Variants in FGF12 observed in about 807,000 individuals in gnomAD.
FGF12 encodes the protein fibroblast growth factor 12, also known as fibroblast growth factor 12B.
FGF12 carries 14 observed loss-of-function variants against 23.6 expected under a neutral mutation model. The observed-to-expected ratio is 0.59, with a 90% confidence interval of 0.39 to 0.93. The LOEUF is 0.93. FGF12 is among the 40% of genes least tolerant of loss of function. The pLI, the probability that FGF12 is intolerant of heterozygous loss-of-function variation, is 0.00. For synonymous variants in FGF12, 62 were observed against 77.3 expected (o/e 0.80, Z 1.04); for missense variants, 175 against 217.8 (o/e 0.80, Z 1.24).
intron 2 of FGF12, chr3:192,516,989 C>T (rs1724688325): frequency 6.6e-6 from 1 of 152,202 alleles, no homozygotes; most frequent in Admixed American, 6.5e-5. Flanking sequence ...GTCCTTTGTG[C>T]TGCAGCGGAA....
intron 2 of FGF12, among the ~76,000 whole-genome samples, chr3:192,497,653 T>C (rs949626060): frequency 2.6e-5 from 4 of 152,210 alleles, no homozygotes; most frequent in African/African-American, 9.7e-5. Context: ...TCAGGACTTT[T>C]CCACCTGCTG....
At chr3:192,227,265 T>A (rs114141856) in intron 4 of FGF12, among the ~76,000 whole-genome samples, 436 of 152,252 alleles carry the variant, frequency 2.9e-3, no homozygotes, top group Middle Eastern at 0.02. Context: ...TTAGCAGCAA[T>A]CTCAGAAAGA....
At chr3:192,703,389 G>A (rs909604004) in intron 2 of FGF12, among the ~76,000 whole-genome samples, 2 of 152,150 alleles carry the variant, frequency 1.3e-5, no homozygotes, top group Non-Finnish European at 2.9e-5. Context: ...ACAATCATCT[G>A]AGCCTTCAGC....
At chr3:192,191,939 G>A (rs1314715928) in intron 4 of FGF12, among the ~76,000 whole-genome samples, 2 of 152,064 alleles carry the variant, frequency 1.3e-5, no homozygotes, top group Admixed American at 6.6e-5. Flanking sequence ...CAGAAAATAA[G>A]AGAATTACAC....
At chr3:192,564,427 C>G (rs1345476619) in intron 2 of FGF12, among the ~76,000 whole-genome samples, 2 of 152,150 alleles carry the variant, frequency 1.3e-5, no homozygotes, top group Non-Finnish European at 2.9e-5. Flanking sequence ...TCAGGGATTA[C>G]ATTTTTTCAT....
chr3:192,214,122 C>T (rs149201741), intron 4 of FGF12, among the ~76,000 whole-genome samples: 23 of 152,194 alleles, frequency 1.5e-4, no homozygotes, highest in African/African-American at 5.1e-4. Context: ...TCGACAGAGA[C>T]GGGAACTGTA....
intron 2 of FGF12, among the ~76,000 whole-genome samples, chr3:192,401,563 C>T (rs573873583): frequency 1.4e-4 from 22 of 152,352 alleles, no homozygotes; most frequent in African/African-American, 5.3e-4. Flanking sequence ...ATGCCCTAGC[C>T]TCCTTACTGT....
chr3:192,649,670 C>T (rs1038050363), intron 2 of FGF12, among the ~76,000 whole-genome samples: 21 of 152,086 alleles, frequency 1.4e-4, no homozygotes. Context: ...TCCCACCTCA[C>T]CTTCCTAAGT....
At chr3:192,579,061 AT>A (rs1190187496) in intron 2 of FGF12, among the ~76,000 whole-genome samples, 7 of 151,998 alleles carry the variant, frequency 4.6e-5, no homozygotes, top group African/African-American at 1.7e-4. Flanking sequence ...TCTTTTAATG[AT>A]TTTCACTAGT....
intron 4 of FGF12, among the ~76,000 whole-genome samples, chr3:192,200,843 A>G (rs980430591): frequency 6.6e-6 from 1 of 152,118 alleles, no homozygotes; most frequent in East Asian, 1.9e-4. Flanking sequence ...TGTATTTTAT[A>G]TTATTTGTCA....
At chr3:192,663,735 C>T (rs1250088549) in intron 2 of FGF12, among the ~76,000 whole-genome samples, 4 of 151,940 alleles carry the variant, frequency 2.6e-5, no homozygotes, top group Middle Eastern at 6.8e-3. Flanking sequence ...TCTCTCAGAA[C>T]GGTTTCCTTC....
chr3:192,380,224 A>G (rs928829310), intron 2 of FGF12, among the ~76,000 whole-genome samples: 9 of 152,202 alleles, frequency 5.9e-5, no homozygotes, highest in Non-Finnish European at 1.2e-4. Context: ...ATTAAGAATT[A>G]CAATTTACTG....
intron 4 of FGF12, among the ~76,000 whole-genome samples, chr3:192,210,011 T>G (rs1276603406): frequency 6.6e-6 from 1 of 152,234 alleles, no homozygotes; most frequent in Non-Finnish European, 1.5e-5. Flanking sequence ...GTTTTTGCCA[T>G]GGTGCAGTAA....
chr3:192,269,451 A>G (rs752231811), intron 4 of FGF12, among the ~76,000 whole-genome samples: 10 of 152,124 alleles, frequency 6.6e-5, no homozygotes, highest in Non-Finnish European at 1.3e-4. Context: ...GACTCTCTAC[A>G]TTTGAATCCC....
intron 2 of FGF12, among the ~76,000 whole-genome samples, chr3:192,524,807 A>C (rs1036650873): frequency 6.6e-6 from 1 of 152,136 alleles, no homozygotes; most frequent in Admixed American, 6.5e-5. Flanking sequence ...AGAAGAGGCT[A>C]TATGTACTAC....
chr3:192,303,222 T>C (rs543988868), intron 4 of FGF12, among the ~76,000 whole-genome samples: 20 of 152,208 alleles, frequency 1.3e-4, no homozygotes, highest in East Asian at 7.7e-4. Flanking sequence ...CAAATTTAAG[T>C]ATGGAAAAAA....
At chr3:192,296,412 C>T (rs926195642) in intron 4 of FGF12, among the ~76,000 whole-genome samples, 1 of 151,670 alleles carries the variant, frequency 6.6e-6, no homozygotes, top group Non-Finnish European at 1.5e-5. Flanking sequence ...TTTGTAGAGT[C>T]AAGGTTTTGC....
At chr3:192,557,724 A>T (rs1195203810) in intron 2 of FGF12, among the ~76,000 whole-genome samples, 5 of 151,946 alleles carry the variant, frequency 3.3e-5, no homozygotes, top group Non-Finnish European at 5.9e-5. Context: ...ATTTATTACC[A>T]GGTGGTAACA....
chr3:192,556,948 T>G (rs1022556478), intron 2 of FGF12, among the ~76,000 whole-genome samples: 6 of 151,826 alleles, frequency 4.0e-5, no homozygotes, highest in African/African-American at 1.4e-4. Flanking sequence ...CCTTGAATGA[T>G]AAACAACGAA....
Sources: gnomAD v4.1 joint callset for allele counts (sites outside exome capture counted in the v4.1 genomes callset) on GRCh38, gnomAD v4.1.1 for gene constraint, MANE v1.5 for transcripts, NCBI Gene and HGNC (gene_info 2026-07-23, HGNC 2026-07-21) for gene names.